Variants in ARID3B observed in about 807,000 individuals in gnomAD.
ARID3B encodes the protein AT-rich interaction domain 3B.
A neutral mutation model predicts 51.9 loss-of-function variants in ARID3B; 10 were observed. The observed-to-expected ratio is 0.19, with a 90% confidence interval of 0.12 to 0.33. The LOEUF (loss-of-function observed/expected upper bound fraction) is 0.33. Ranked by LOEUF, ARID3B falls within the 10% of genes least tolerant of loss-of-function variation. The pLI is 1.00. For synonymous variants in ARID3B, 205 were observed against 279.5 expected (o/e 0.73, Z 2.66); for missense variants, 483 against 716.3 (o/e 0.67, Z 3.72).
At chr15:74,586,001 G>A (rs1393751589) in intron 4 of ARID3B, among the ~76,000 whole-genome samples, 1 of 152,252 alleles carries the variant, frequency 6.6e-6, no homozygotes, top group Non-Finnish European at 1.5e-5. Flanking sequence ...GCCACTGACA[G>A]TTTCACAGAG....
intron 2 of ARID3B, among the ~76,000 whole-genome samples, chr15:74,548,078 C>T (rs549660346): frequency 1.5e-3 from 230 of 152,260 alleles, no homozygotes; most frequent in Non-Finnish European, 2.6e-3. Context: ...AGATGGATAA[C>T]GCCATTGAGC....
chr15:74,561,881 T>C (rs544671858), intron 2 of ARID3B, among the ~76,000 whole-genome samples: 2 of 152,126 alleles, frequency 1.3e-5, no homozygotes, highest in Admixed American at 1.3e-4. Flanking sequence ...CCTCTTCCAT[T>C]GTAGTATTCA....
intron 2 of ARID3B, among the ~76,000 whole-genome samples, chr15:74,544,689 CTTT>C (rs398057829): frequency 1.5e-5 from 2 of 136,628 alleles, no homozygotes; most frequent in Admixed American, 7.4e-5. Flanking sequence ...ATATGTTACT[CTTT>C]TTTTTTTTTT....
chr15:74,576,996 T>C (rs2061740550), intron 4 of ARID3B, among the ~76,000 whole-genome samples: 1 of 152,216 alleles, frequency 6.6e-6, no homozygotes, highest in Admixed American at 6.5e-5. Flanking sequence ...CGCTTCAGTC[T>C]GTAGATATAG....
intron 2 of ARID3B, among the ~76,000 whole-genome samples, chr15:74,549,762 A>G (rs1233113981): frequency 6.6e-6 from 1 of 152,144 alleles, no homozygotes; most frequent in African/African-American, 2.4e-5. Flanking sequence ...GTTCTCAATT[A>G]GAGGTGACCC....
rs552462574 is a variant in ARID3B at position 74,596,489 on chromosome 15, C to T, written c.*715C>T. 9 of 233,642 alleles carry T rather than the reference C, an allele frequency of 3.9e-5. No individual in the cohort carries two copies. The highest frequency in any genetic ancestry group is 2.8e-4 in the Admixed American group (5 of 17,800). 14.5% of individuals were successfully genotyped at this position (233,642 alleles called of 1,614,324 possible). On this transcript the variant is annotated 3_prime_UTR_variant, in exon 9 of 9. Coordinates refer to ENST00000346246, the MANE Select transcript of ARID3B (RefSeq NM_006465.4). ...GCCCTGGCACCTGCTTCACACGGAC[C>T]ATTCTCTGACCGCCCCCGCCAAACC...
At chr15:74,566,463 C>T (rs1043229272) in intron 2 of ARID3B, among the ~76,000 whole-genome samples, 2 of 151,908 alleles carry the variant, frequency 1.3e-5, no homozygotes, top group African/African-American at 4.8e-5. Context: ...ATTAGCTGGG[C>T]ATGGTGGCGC....
intron 2 of ARID3B, among the ~76,000 whole-genome samples, chr15:74,556,130 A>G (rs918158557): frequency 2.0e-5 from 3 of 152,052 alleles, no homozygotes; most frequent in East Asian, 3.8e-4. Context: ...TAAGCTTAAT[A>G]ATTTCTAGCT....
At chr15:74,584,347 A>G (rs918602236) in intron 4 of ARID3B, among the ~76,000 whole-genome samples, 4 of 152,362 alleles carry the variant, frequency 2.6e-5, no homozygotes, top group African/African-American at 9.6e-5. Flanking sequence ...CTGCCTGCGC[A>G]CATTCCCTGC....
At chr15:74,567,649 C>T (rs909582177) in intron 2 of ARID3B, among the ~76,000 whole-genome samples, 1 of 152,140 alleles carries the variant, frequency 6.6e-6, no homozygotes, top group African/African-American at 2.4e-5. Flanking sequence ...GGAAGTTGCC[C>T]ACCTCCTGGG....
At chr15:74,578,315 A>G (rs1052803203) in intron 4 of ARID3B, among the ~76,000 whole-genome samples, 1 of 151,874 alleles carries the variant, frequency 6.6e-6, no homozygotes, top group Non-Finnish European at 1.5e-5. Flanking sequence ...CTGGGATTAC[A>G]GGCATGTACC....
chr15:74,563,863 A>T (rs2061687876), intron 2 of ARID3B, among the ~76,000 whole-genome samples: 2 of 152,164 alleles, frequency 1.3e-5, no homozygotes, highest in South Asian at 4.1e-4. Context: ...TGGTAGGAAC[A>T]TCTATTTCTG....
chr15:74,545,182 A>G (rs981740833), intron 2 of ARID3B, among the ~76,000 whole-genome samples: 2 of 152,246 alleles, frequency 1.3e-5, no homozygotes, highest in Non-Finnish European at 2.9e-5. Flanking sequence ...TGCCTAAGAC[A>G]GTTTCTTAGC....
chr15:74,565,141 C>A lies in ARID3B; in HGVS notation c.553-7721C>A, dbSNP rs1018864111. Among the ~76,000 whole-genome samples, 54 of 152,102 alleles carry A rather than the reference C, an allele frequency of 3.6e-4. 1 individual carries two copies. The South Asian group carries it at 5.6e-3, about 16-fold the overall frequency. Reference sequence around the variant, plus strand: ...CTCACTGCAACCTCAGCCTCCCAGGCTCAAGCGCTCCTCCCACCTCATCCT... The same window carrying A: ...CTCACTGCAACCTCAGCCTCCCAGGATCAAGCGCTCCTCCCACCTCATCCT... On this transcript the variant is annotated intron_variant, in intron 2 of 8. Transcript: ENST00000346246.
chr15:74,596,142 T>G lies in ARID3B; in HGVS notation c.*368T>G, dbSNP rs1212351192. 1 of 273,464 alleles carries G rather than the reference T, an allele frequency of 3.7e-6. No homozygotes were observed. The highest frequency in any genetic ancestry group is 2.2e-5 in the African/African-American group (1 of 46,364). The allele number at this position is 273,464 out of a possible 1,614,324, so 16.9% of individuals were successfully genotyped here. A position where few individuals can be genotyped will look rare whatever the true frequency, so the allele number is the denominator to read the frequency against. On this transcript the variant is annotated 3_prime_UTR_variant, in exon 9 of 9. Coordinates refer to ENST00000346246, the MANE Select transcript of ARID3B (RefSeq NM_006465.4). Reference sequence around the variant, plus strand: ...GCCCTCCATTTCCCTCCCCTTTTAATTTATTTCCCTGACCCTGCCTTCTGC... The same window carrying G: ...GCCCTCCATTTCCCTCCCCTTTTAAGTTATTTCCCTGACCCTGCCTTCTGC...
intron 2 of ARID3B, among the ~76,000 whole-genome samples, chr15:74,572,287 G>T (rs2061721771): frequency 6.6e-6 from 1 of 152,200 alleles, no homozygotes; most frequent in Non-Finnish European, 1.5e-5. Flanking sequence ...GTGGCACAGA[G>T]TCTGTACCTT....
Position 74,595,831 on chromosome 15 carries a change from T to C in ARID3B, c.*57T>C. 1.3e-6 allele frequency: 2 copies of C among 1,550,292 alleles called. No individual in the cohort carries two copies. On this transcript the variant is annotated 3_prime_UTR_variant, in exon 9 of 9. Coordinates refer to ENST00000346246, the MANE Select transcript of ARID3B (RefSeq NM_006465.4). ...TCCTGTCGAGAGTGAAGGAAGTTGA[T>C]GCACAGAATTTACCTCATCTCACAG...
At chr15:74,567,981 C>A (rs1453434908) in intron 2 of ARID3B, among the ~76,000 whole-genome samples, 1 of 152,172 alleles carries the variant, frequency 6.6e-6, no homozygotes. Context: ...GTGTAAGCTG[C>A]CATCTTCCTC....
At chr15:74,543,529 T>G (rs902798925) in intron 1 of ARID3B, among the ~76,000 whole-genome samples, 9 of 152,196 alleles carry the variant, frequency 5.9e-5, no homozygotes, top group Admixed American at 3.3e-4. Flanking sequence ...ATTAGTTCAG[T>G]AACAGATTAA....
Sources: allele counts gnomAD v4.1 joint callset (sites outside exome capture counted in the v4.1 genomes callset), GRCh38; gene constraint gnomAD v4.1.1; transcripts MANE v1.5; gene names NCBI Gene and HGNC (gene_info 2026-07-23, HGNC 2026-07-21).